The following CR1 variants were observed in gnomAD, a reference collection of about 807,000 sequenced individuals.
CR1 encodes complement receptor type 1.
In CR1, 116 loss-of-function variants were observed where a neutral mutation model predicts 187.3. The observed-to-expected ratio is 0.62, with a 90% confidence interval of 0.53 to 0.72. The LOEUF is 0.72. Ranked by LOEUF, CR1 falls within the 30% of genes least tolerant of loss-of-function variation. The pLI is 0.00. For missense variants in CR1, 1,731 were observed against 2,110.7 expected, an observed-to-expected ratio of 0.82 and a Z score of 3.52; for synonymous variants, 576 against 747.1, an observed-to-expected ratio of 0.77 and a Z score of 3.73.
chr1:207,613,648 T>G (rs1247906849), intron 39 of CR1, among the ~76,000 whole-genome samples: 1 of 152,172 alleles, frequency 6.6e-6, no homozygotes, highest in African/African-American at 2.4e-5. Flanking sequence ...CCATTACTCT[T>G]GGTGGTGTGC....
Position 207,612,041 on chromosome 1 carries a change from G to A in CR1, c.6575G>A (p.Gly2192Glu), listed in dbSNP as rs1480058142. The stretch of plus-strand genomic sequence containing the variant: ...AAGGTGTCCTTTGTTTGCGATGAAG[G>A]GTGAGTGTGACCCAGCGTTGAGACC... ...GAKVSFVCDE[G>E]FRLKGRSASH... The change falls in exon 39 of 47, where the codon GGG becomes GAG. Residue 2192 changes from glycine to glutamate, a missense_variant and splice_region_variant. Physicochemically the swap from Gly to Glu is moderately conservative, Grantham distance 98. Coordinates refer to ENST00000367049, the MANE Select transcript of CR1 (RefSeq NM_000651.6). 2 of 1,613,762 alleles carry A rather than the reference G, an allele frequency of 1.2e-6. No homozygotes were observed. Among genetic ancestry groups the A allele is most frequent in the African/African-American group, 1.3e-5 (1 of 74,924 alleles).
intron 3 of CR1, 31 bp downstream of exon 3, chr1:207,506,844 T>G: frequency 1.6e-5 from 25 of 1,559,078 alleles, no homozygotes; most frequent in East Asian, 2.2e-5. Flanking sequence ...CCAACATCTC[T>G]TGGTTCAAGA....
intron 1 of CR1, among the ~76,000 whole-genome samples, chr1:207,501,006 AT>A (rs1389069361): frequency 7.0e-6 from 1 of 142,402 alleles, no homozygotes; most frequent in East Asian, 1.9e-4. Context: ...AGGCTAAACC[AT>A]AAAAAAAAAC....
Position 207,609,657 on chromosome 1 carries a change from A to G in CR1, c.6264A>G (p.Arg2088=). The change falls in exon 37 of 47, where the codon AGA becomes AGG. Residue 2088 remains arginine, a synonymous_variant. Coordinates refer to ENST00000367049, the MANE Select transcript of CR1 (RefSeq NM_000651.6). The part of the protein sequence containing the change: ...SHTVQCQTNG[R]WGPKLPHCSR... Reference sequence around the variant, plus strand: ...CTGTGCAGTGCCAGACCAATGGCAGATGGGGGCCCAAGCTGCCACACTGCT... The same window carrying G: ...CTGTGCAGTGCCAGACCAATGGCAGGTGGGGGCCCAAGCTGCCACACTGCT... 6.3e-7 allele frequency: 1 copy of G among 1,594,850 alleles called. No individual in the cohort carries two copies. Among genetic ancestry groups the G allele is most frequent in the Non-Finnish European group, 8.5e-7 (1 of 1,170,928 alleles).
intron 27 of CR1, 47 bp from the exon 28 acceptor site, chr1:207,575,548 T>C (rs1660715275): frequency 5.6e-6 from 9 of 1,611,100 alleles, no homozygotes; most frequent in African/African-American, 1.3e-5. Context: ...TGTCAGGAAG[T>C]TGATGAGGTA....
At chr1:207,524,141 C>G in intron 5 of CR1, 132 bp downstream of exon 5, 2 of 1,563,718 alleles carry the variant, frequency 1.3e-6, no homozygotes, top group Non-Finnish European at 1.7e-6. Context: ...AGGTAGTGAA[C>G]ATGAAATTCA....
intron 3 of CR1, among the ~76,000 whole-genome samples, chr1:207,510,912 C>A (rs1659594472): frequency 6.6e-6 from 1 of 151,856 alleles, no homozygotes; most frequent in Non-Finnish European, 1.5e-5. Context: ...GCCTCAACCT[C>A]CCTGACTCAA....
chr1:207,508,485 T>A (rs1659512757), intron 3 of CR1, among the ~76,000 whole-genome samples: 4 of 152,224 alleles, frequency 2.6e-5, no homozygotes, highest in Admixed American at 2.0e-4. Flanking sequence ...TTTTTAAAAC[T>A]GCATAGACAT....
At chr1:207,521,093 C>A (rs1329795579) in intron 4 of CR1, among the ~76,000 whole-genome samples, 2 of 149,128 alleles carry the variant, frequency 1.3e-5, no homozygotes, top group Non-Finnish European at 1.5e-5. Flanking sequence ...CCTCCCACTT[C>A]AGCCTTCCAA....
intron 35 of CR1, among the ~76,000 whole-genome samples, chr1:207,595,373 T>C (rs939132369): frequency 6.6e-6 from 1 of 152,046 alleles, no homozygotes; most frequent in East Asian, 1.9e-4. Flanking sequence ...AAATACTAAG[T>C]TGATCCTTGA....
intron 4 of CR1, among the ~76,000 whole-genome samples, chr1:207,512,387 A>G (rs769532500): frequency 3.9e-5 from 6 of 152,240 alleles, no homozygotes; most frequent in Non-Finnish European, 8.8e-5. Context: ...AGCATAAAGA[A>G]GCACTTAATG....
intron 31 of CR1, among the ~76,000 whole-genome samples, chr1:207,581,267 T>C (rs1389260190): frequency 1.4e-5 from 2 of 140,072 alleles, no homozygotes; most frequent in African/African-American, 2.7e-5. Context: ...TGTAGACGTA[T>C]ACATATGGAC....
rs200990657 is a variant in CR1, at chr1:207,618,157, A to G, written c.6976A>G (p.Ile2326Val). Residue 2326 changes from isoleucine (I) to valine (V), a missense_variant, in exon 42 of 47, where the codon ATT (isoleucine) becomes GTT (valine). This residue lies in a region of CR1 where 1,312 missense variants were observed against 1,379.6 expected (regional missense o/e 0.95). Transcript: ENST00000367049. ...LYLPGMTISY[I>V]CDPGYLLVGK... The stretch of plus-strand genomic sequence containing the variant: ...TCTTCCTGGGATGACAATCAGCTAC[A>G]TTTGTGACCCCGGCTACCTGTTAGT... 6.1e-5 allele frequency: 98 copies of G among 1,613,938 alleles called. No homozygotes were observed. In the Admixed American group the frequency reaches 1.3e-3, roughly 22 times the overall value.
intron 35 of CR1, among the ~76,000 whole-genome samples, chr1:207,595,525 G>A (rs533773630): frequency 5.3e-5 from 8 of 152,134 alleles, no homozygotes; most frequent in East Asian, 1.9e-4. Flanking sequence ...CCAAGCTTCC[G>A]TTCTGTAACA....
At chr1:207,618,036 T>C (rs756399787) in intron 41 of CR1, 35 bp from the exon 42 acceptor site, 3 of 1,598,216 alleles carry the variant, frequency 1.9e-6, no homozygotes, top group Admixed American at 1.7e-5. Flanking sequence ...TAACTGAGTG[T>C]CTTTTCTTGT....
intron 1 of CR1, among the ~76,000 whole-genome samples, chr1:207,505,565 G>A (rs772624246): frequency 4.6e-5 from 7 of 152,148 alleles, no homozygotes; most frequent in African/African-American, 1.7e-4. Context: ...CAGGGTCACG[G>A]TGGCTCACTC....
At chr1:207,607,472 G>A (rs938457987) in intron 36 of CR1, 136 bp downstream of exon 36, 3 of 657,610 alleles carry the variant, frequency 4.6e-6, no homozygotes, top group Non-Finnish European at 7.9e-6. Flanking sequence ...ATGCTTCATG[G>A]TCTTCCTGGC....
At position 207,623,020 on chromosome 1, in the gene CR1, T is replaced by C. The variant is rs761809357; in HGVS notation, c.7304T>C (p.Ile2435Thr). 4 of 1,579,984 alleles carry C rather than the reference T, an allele frequency of 2.5e-6. No homozygotes were observed. Among genetic ancestry groups the C allele is most frequent in the Admixed American group, 1.8e-5 (1 of 54,862 alleles). The change falls in exon 45 of 47, where the codon ATT becomes ACT. Residue 2435 changes from isoleucine (I) to threonine (T), a missense_variant. Physicochemically the swap from Ile to Thr is moderately conservative, Grantham distance 89 (BLOSUM62 -1). This residue lies in a region of CR1 where 1,312 missense variants were observed against 1,379.6 expected (regional missense o/e 0.95). Transcript: ENST00000367049. ...ACTTTATCTGGTACGATCTTCTTTA[T>C]TTTACTCATCATTTTCCTCTCTTGG... ...VGTLSGTIFF[I>T]LLIIFLSWII...
At chr1:207,588,606 C>A in intron 34 of CR1, 69 bp from the exon 35 acceptor site, 1 of 1,026,572 alleles carries the variant, frequency 9.7e-7, no homozygotes, top group Non-Finnish European at 1.5e-6. Flanking sequence ...GTATGCCACA[C>A]TCCAGTCTGA....
Sources: gnomAD v4.1 joint callset for allele counts (sites outside exome capture counted in the v4.1 genomes callset) on GRCh38, gnomAD v4.1.1 for gene constraint, gnomAD v4.1.1 regional missense constraint, MANE v1.5 for transcripts, NCBI Gene and HGNC (gene_info 2026-07-23, HGNC 2026-07-21) for gene names.